Variants in DPP6 observed in about 807,000 individuals in gnomAD.
DPP6 encodes the protein A-type potassium channel modulatory protein DPP6.
In DPP6, 69 loss-of-function variants were observed where a neutral mutation model predicts 122.6. That is an observed-to-expected ratio of 0.56 (90% CI 0.46 to 0.69). The LOEUF (loss-of-function observed/expected upper bound fraction) is 0.69, where lower values mean the gene tolerates loss of function less well. DPP6 is among the 30% of genes least tolerant of loss of function. The pLI is 0.00. For missense variants in DPP6, 928 were observed against 1,116.9 expected (o/e 0.83, Z 2.41); for synonymous variants, 418 against 433.1 (o/e 0.97, Z 0.43).
intron 8 of DPP6, among the ~76,000 whole-genome samples, chr7:154,730,029 G>A (rs560064009): frequency 1.3e-5 from 2 of 152,326 alleles, no homozygotes; most frequent in South Asian, 2.1e-4. Context: ...CCTCTGCCTG[G>A]GGTGCAATCC....
intron 1 of DPP6, among the ~76,000 whole-genome samples, chr7:154,424,139 C>T (rs536831179): frequency 1.3e-5 from 2 of 152,286 alleles, no homozygotes; most frequent in East Asian, 1.9e-4. Flanking sequence ...GCCTAGAAAC[C>T]TTGCAATGTC....
chr7:154,704,766 G>A (rs187531529), intron 7 of DPP6, among the ~76,000 whole-genome samples: 1 of 152,322 alleles, frequency 6.6e-6, no homozygotes, highest in East Asian at 1.9e-4. Context: ...CTACAGCAGA[G>A]TATAAACATA....
rs371014006 is a variant in DPP6 at position 154,336,766 on chromosome 7, A to G, written c.244-109448A>G. ...GAAGGGAGTTGGGCGGGCCATGGTT[A>G]CAGATGCGGGAAGTGGTCGGAGTGG... On this transcript the variant is annotated intron_variant, in intron 1 of 25. Coordinates refer to ENST00000377770, the MANE Select transcript of DPP6 (RefSeq NM_130797.4). Among the ~76,000 whole-genome samples, 30 of 152,260 alleles carry G rather than the reference A, an allele frequency of 2.0e-4. No individual in the cohort carries two copies. In the South Asian group the frequency reaches 5.2e-3, roughly 26 times the overall value.
chr7:153,964,874 T>G (rs1209693442), intron 1 of DPP6, among the ~76,000 whole-genome samples: 1 of 139,010 alleles, frequency 7.2e-6, no homozygotes, highest in Non-Finnish European at 1.5e-5. Context: ...TTTCCTTTCC[T>G]TTTTTTCTTT....
intron 8 of DPP6, among the ~76,000 whole-genome samples, chr7:154,732,041 G>GT (rs1018694245): frequency 2.0e-5 from 3 of 150,914 alleles, no homozygotes; most frequent in African/African-American, 7.4e-5. Context: ...TTTTTCTTTT[G>GT]TTTGTTTTTT....
chr7:154,348,325 A>G (rs1354585223), intron 1 of DPP6, among the ~76,000 whole-genome samples: 1 of 152,260 alleles, frequency 6.6e-6, no homozygotes, highest in South Asian at 2.1e-4. Context: ...TAGGCTTACA[A>G]ATAATTGGAC....
the DPP6 span, among the ~76,000 whole-genome samples, chr7:153,867,777 G>T: frequency 1.3e-5 from 2 of 152,142 alleles, no homozygotes; most frequent in Admixed American, 6.5e-5. Flanking sequence ...GTATGATATT[G>T]GCTGTGGGTT....
In DPP6 at chr7:154,730,356, G is replaced by T. The variant is rs115982146; in HGVS notation, c.883+2469G>T. On this transcript the variant is annotated intron_variant, in intron 8 of 25. Coordinates refer to ENST00000377770, the MANE Select transcript of DPP6 (RefSeq NM_130797.4). ...GGCCCAGTCACGGGACATGACAAGG[G>T]TCTTCCACTCCATCGACCTCAACAT... 4.7e-3 allele frequency among the ~76,000 whole-genome samples: 720 copies of T among 152,178 alleles called. 5 individuals carry two copies. Among genetic ancestry groups the T allele is most frequent in the African/African-American group, 0.017 (692 of 41,512 alleles).
intron 1 of DPP6, among the ~76,000 whole-genome samples, chr7:154,076,078 C>T (rs991827162): frequency 2.6e-5 from 4 of 151,756 alleles, no homozygotes; most frequent in African/African-American, 9.7e-5. Flanking sequence ...TGGTCTGCAG[C>T]TAGGGCACTG....
At position 154,892,642 on chromosome 7, in the gene DPP6, A is replaced by G; in HGVS notation, c.*162A>G. The G allele has an allele frequency of 1.4e-6, 2 of 1,410,512 alleles. No individual in the cohort carries two copies. Among genetic ancestry groups the G allele is most frequent in the Non-Finnish European group, 1.9e-6 (2 of 1,031,812 alleles). The allele number at this position is 1,410,512 out of a possible 1,614,324, so 87.4% of individuals were successfully genotyped here. ...CGGAAGGCAGTTTTGCTTGGGAAAC[A>G]AGCTCCTTCCCCGGGGTCATCACTC... On this transcript the variant is annotated 3_prime_UTR_variant, in exon 26 of 26. Coordinates refer to ENST00000377770, the MANE Select transcript of DPP6 (RefSeq NM_130797.4).
At chr7:154,819,999 G>C (rs1799658165) in intron 16 of DPP6, among the ~76,000 whole-genome samples, 1 of 152,194 alleles carries the variant, frequency 6.6e-6, no homozygotes, top group South Asian at 2.1e-4. Context: ...GGGCTGGAAG[G>C]GGAGCTGTGC....
At chr7:153,923,004 C>T (rs1217367331) in intron 1 of DPP6, among the ~76,000 whole-genome samples, 1 of 152,224 alleles carries the variant, frequency 6.6e-6, no homozygotes, top group African/African-American at 2.4e-5. Flanking sequence ...CCAAAGTTTG[C>T]AGCTCAAAAT....
chr7:153,767,604 C>G, the DPP6 span, among the ~76,000 whole-genome samples: 1 of 149,560 alleles, frequency 6.7e-6, no homozygotes. Context: ...GTCTTGAACT[C>G]CTGACCTCAG....
the DPP6 span, among the ~76,000 whole-genome samples, chr7:153,819,235 T>C: frequency 1.2e-3 from 163 of 134,280 alleles, 1 homozygote; most frequent in African/African-American, 4.3e-3. Context: ...CATTGTCTCC[T>C]TCCCATTCTC....
At chr7:153,970,573 C>T (rs927761227) in intron 1 of DPP6, among the ~76,000 whole-genome samples, 1 of 151,746 alleles carries the variant, frequency 6.6e-6, no homozygotes, top group Non-Finnish European at 1.5e-5. Context: ...TTGTCTCAGC[C>T]AAGGTCATTA....
At chr7:154,567,626 G>A (rs779453733) in intron 5 of DPP6, among the ~76,000 whole-genome samples, 21 of 152,210 alleles carry the variant, frequency 1.4e-4, no homozygotes, top group Non-Finnish European at 2.9e-4. Flanking sequence ...CTTTAGAAAT[G>A]TATGTTTTAA....
At chr7:154,044,972 C>T (rs1799949716) in intron 1 of DPP6, among the ~76,000 whole-genome samples, 1 of 152,068 alleles carries the variant, frequency 6.6e-6, no homozygotes, top group South Asian at 2.1e-4. Flanking sequence ...TGGGAAAAGG[C>T]TCTCTGCTAA....
At chr7:153,804,196 T>C in the DPP6 span, among the ~76,000 whole-genome samples, 1 of 152,046 alleles carries the variant, frequency 6.6e-6, no homozygotes, top group African/African-American at 2.4e-5. Context: ...ATTACAGGTG[T>C]GCACCACCAC....
intron 1 of DPP6, among the ~76,000 whole-genome samples, chr7:154,431,442 C>CTTTCTTTTCTTTTCT (rs372693484): frequency 8.2e-6 from 1 of 121,748 alleles, no homozygotes; most frequent in Non-Finnish European, 1.7e-5. Context: ...TTTTTCTTTC[C>CTTTCTTTTCTTTTCT]TTTCTTTTCT....
Sources: allele counts gnomAD v4.1 joint callset (sites outside exome capture counted in the v4.1 genomes callset), GRCh38; gene constraint gnomAD v4.1.1; transcripts MANE v1.5; gene names NCBI Gene and HGNC (gene_info 2026-07-23, HGNC 2026-07-21).